The following IGSF3 variants were observed in gnomAD, a reference collection of about 807,000 sequenced individuals.
IGSF3 encodes the protein immunoglobulin superfamily member 3.
A neutral mutation model predicts 114.4 loss-of-function variants in IGSF3; 23 were observed. The ratio of observed to expected loss-of-function variants is 0.20; its 90% CI spans 0.14 to 0.28. IGSF3 has a LOEUF of 0.28. Ranked by LOEUF, IGSF3 falls within the 10% of genes least tolerant of loss-of-function variation. IGSF3 has a pLI of 1.00. For missense variants in IGSF3, 1,172 were observed against 1,591.5 expected (o/e 0.74, Z 4.48); for synonymous variants, 571 against 645.2 (o/e 0.88, Z 1.74).
At chr1:116,630,362 A>G (rs1318513837) in intron 2 of IGSF3, among the ~76,000 whole-genome samples, 1 of 152,246 alleles carries the variant, frequency 6.6e-6, no homozygotes, top group Non-Finnish European at 1.5e-5. Flanking sequence ...ACAGGAAATA[A>G]GGACTGAGTG....
rs966707409 is a variant in IGSF3, at chr1:116,612,027, T to A, written c.832+1738A>T. Among the ~76,000 whole-genome samples, 13 of 152,226 alleles carry A rather than the reference T, an allele frequency of 8.5e-5. No individual in the cohort carries two copies. Among genetic ancestry groups the A allele is most frequent in the Non-Finnish European group, 1.8e-4 (12 of 68,040 alleles). On this transcript the variant is annotated intron_variant, in intron 4 of 10. Transcript: ENST00000369486. The surrounding 1 kb of genome is among the most constrained non-coding windows in gnomAD (Gnocchi z 4.1). ...GAATGCAGGGTGAAGTCATCAACTT[T>A]TTTTTCACTTAGTTTTCCTTTTGCT...
At chr1:116,635,671 C>T (rs1435777995) in intron 2 of IGSF3, among the ~76,000 whole-genome samples, 3 of 152,246 alleles carry the variant, frequency 2.0e-5, no homozygotes, top group Non-Finnish European at 4.4e-5. Context: ...ATTGTAATGG[C>T]ATCTTCTTGT....
intron 5 of IGSF3, among the ~76,000 whole-genome samples, chr1:116,606,237 C>T (rs1439709693): frequency 1.3e-5 from 2 of 152,224 alleles, no homozygotes; most frequent in African/African-American, 4.8e-5. Context: ...GAGTTAGAAG[C>T]AAATATTTCC....
At position 116,595,091 on chromosome 1, in the gene IGSF3, G is replaced by A. The variant is rs1660287987; in HGVS notation, c.2029+4850C>T. Among the ~76,000 whole-genome samples, 1 of 152,172 alleles carries A rather than the reference G, an allele frequency of 6.6e-6. No individual in the cohort carries two copies. The highest frequency in any genetic ancestry group is 6.5e-5 in the Admixed American group (1 of 15,288). On this transcript the variant is annotated intron_variant, in intron 7 of 10. Coordinates refer to ENST00000369486, the MANE Select transcript of IGSF3 (RefSeq NM_001007237.3). This position sits in a 1 kb window ranked among gnomAD's most constrained non-coding sequence, Gnocchi z 4.2. ...TTAGTAGGTGCTCAATGCATGCAGA[G>A]AGACAGGGAGGGAGGGGCAAGGGGA...
At chr1:116,658,407 ACCTCTGGGC>A in intron 2 of IGSF3, among the ~76,000 whole-genome samples, 1 of 151,240 alleles carries the variant, frequency 6.6e-6, no homozygotes, top group Middle Eastern at 3.4e-3. Context: ...CTTTGCTTCG[ACCTCTGGGC>A]CCCCCACCTT....
At position 116,642,752 on chromosome 1, in the gene IGSF3, G is replaced by A. The variant is rs1648166944; in HGVS notation, c.43+23532C>T. ...GGGATACCAGCTCCTGGGATGCGCT[G>A]TAGTATCATCAATCACCGCTGCTGC... On this transcript the variant is annotated intron_variant, in intron 2 of 10. Coordinates refer to ENST00000369486, the MANE Select transcript of IGSF3 (RefSeq NM_001007237.3). This position sits in a 1 kb window ranked among gnomAD's most constrained non-coding sequence, Gnocchi z 5.4. 6.6e-6 allele frequency among the ~76,000 whole-genome samples: 1 copy of A among 152,242 alleles called. No homozygotes were observed. The highest frequency in any genetic ancestry group is 6.5e-5 in the Admixed American group (1 of 15,294).
At position 116,614,151 on chromosome 1, in the gene IGSF3, G is replaced by A. The variant is rs754560616; in HGVS notation, c.446C>T (p.Thr149Ile). The change falls in exon 4 of 11, where the codon ACT (threonine) becomes ATT (isoleucine). Residue 149 changes from threonine to isoleucine, a missense_variant. Transcript: ENST00000369486. The surrounding 1 kb of genome is among the most constrained non-coding windows in gnomAD (Gnocchi z 4.5). Reference protein sequence around the residue: ...LVVIPDSLQTTAMPQTLHRVE... With the variant: ...LVVIPDSLQTIAMPQTLHRVE... The stretch of plus-strand genomic sequence containing the variant: ...TCTGTGCAGAGTCTGGGGCATGGCA[G>A]TGGTCTGCAGGGAGTCTGGGATCAC... 1 of 1,611,400 alleles carries A rather than the reference G, an allele frequency of 6.2e-7. No individual in the cohort carries two copies. Among genetic ancestry groups the A allele is most frequent in the South Asian group, 1.1e-5 (1 of 91,048 alleles).
At chr1:116,619,727 T>C (rs1661351309) in intron 2 of IGSF3, among the ~76,000 whole-genome samples, 2 of 150,884 alleles carry the variant, frequency 1.3e-5, no homozygotes, top group African/African-American at 4.9e-5. Context: ...CCCCTCTCTC[T>C]CCCCTCCCAA....
intron 2 of IGSF3, among the ~76,000 whole-genome samples, chr1:116,621,537 G>A (rs1215979632): frequency 3.9e-5 from 6 of 152,156 alleles, no homozygotes; most frequent in Non-Finnish European, 8.8e-5. Flanking sequence ...AGATGTTACT[G>A]ACTTTCTGAA....
At position 116,607,849 on chromosome 1, in the gene IGSF3, C is replaced by T; in HGVS notation, c.1222+93G>A. 1.6e-6 allele frequency: 2 copies of T among 1,270,670 alleles called. No individual in the cohort carries two copies. Among genetic ancestry groups the T allele is most frequent in the Non-Finnish European group, 2.2e-6 (2 of 891,580 alleles). 78.7% of individuals were successfully genotyped at this position (1,270,670 alleles called of 1,614,324 possible). A position where few individuals can be genotyped will look rare whatever the true frequency, so the allele number is the denominator to read the frequency against. On this transcript the variant is annotated intron_variant, in intron 5 of 10. Coordinates refer to ENST00000369486, the MANE Select transcript of IGSF3 (RefSeq NM_001007237.3). The surrounding 1 kb of genome is among the most constrained non-coding windows in gnomAD (Gnocchi z 6.1). ...TTAACCTCGAGGGTTCCATCTGCCT[C>T]CCCTCACCTTCACCACGCTATTCTC... is the stretch of plus-strand genomic sequence containing the variant.
intron 2 of IGSF3, among the ~76,000 whole-genome samples, chr1:116,619,721 T>A (rs1661351123): frequency 6.6e-6 from 1 of 151,582 alleles, no homozygotes; most frequent in South Asian, 2.1e-4. Context: ...CCACAGCCCC[T>A]CTCTCTCCCC....
chr1:116,638,682 A>C lies in IGSF3; in HGVS notation c.44-22225T>G, dbSNP rs1647943480. On this transcript the variant is annotated intron_variant, in intron 2 of 10. Transcript: ENST00000369486. This position sits in a 1 kb window ranked among gnomAD's most constrained non-coding sequence, Gnocchi z 4.1. ...TGGTGAGCTAAAAACAAGATGGAAA[A>C]GAAAAGAGAAGAGGAAGAGAGAAAA... 6.6e-6 allele frequency among the ~76,000 whole-genome samples: 1 copy of C among 152,252 alleles called. No homozygotes were observed. Among genetic ancestry groups the C allele is most frequent in the Non-Finnish European group, 1.5e-5 (1 of 68,042 alleles).
Position 116,585,997 on chromosome 1 carries a change from G to A in IGSF3, c.2441-945C>T, listed in dbSNP as rs749042952. On this transcript the variant is annotated intron_variant, in intron 8 of 10. Coordinates refer to ENST00000369486, the MANE Select transcript of IGSF3 (RefSeq NM_001007237.3). The surrounding 1 kb of genome is among the most constrained non-coding windows in gnomAD (Gnocchi z 4.9). ...CCTCCAGTAGAAAAATGTCTTTAAT[G>A]ACAGCATGCCCCGATGGCATGCTTG... Among the ~76,000 whole-genome samples the A allele has an allele frequency of 6.6e-6, 1 of 152,204 alleles. No homozygotes were observed. The highest frequency in any genetic ancestry group is 1.5e-5 in the Non-Finnish European group (1 of 68,032).
At position 116,655,512 on chromosome 1, in the gene IGSF3, T is replaced by C. The variant is rs144687546; in HGVS notation, c.43+10772A>G. ...GTAACCCAACGCTGTGAAATGATAA[T>C]CTTTTTACAGCAATAACTGTTGCTG... On this transcript the variant is annotated intron_variant, in intron 2 of 10. Transcript: ENST00000369486. This position sits in a 1 kb window ranked among gnomAD's most constrained non-coding sequence, Gnocchi z 4.3. Among the ~76,000 whole-genome samples the C allele has an allele frequency of 1.3e-4, 20 of 152,300 alleles. No homozygotes were observed. The East Asian group carries it at 3.9e-3, about 29-fold the overall frequency.
rs569123014 is a variant in IGSF3, at chr1:116,648,303, C to T, written c.43+17981G>A. On this transcript the variant is annotated intron_variant, in intron 2 of 10. Coordinates refer to ENST00000369486, the MANE Select transcript of IGSF3 (RefSeq NM_001007237.3). This position sits in a 1 kb window ranked among gnomAD's most constrained non-coding sequence, Gnocchi z 4.7. ...CCAGAGAGGACAATGCCAGCAATGC[C>T]GGCTGTCTCCCAAGTCTGAAGGGTT... is the stretch of plus-strand genomic sequence containing the variant. Among the ~76,000 whole-genome samples, 12 of 152,132 alleles carry T rather than the reference C, an allele frequency of 7.9e-5. No individual in the cohort carries two copies. Among genetic ancestry groups the T allele is most frequent in the African/African-American group, 1.7e-4 (7 of 41,428 alleles).
At chr1:116,640,092 T>C (rs1052367438) in intron 2 of IGSF3, among the ~76,000 whole-genome samples, 7 of 146,096 alleles carry the variant, frequency 4.8e-5, no homozygotes, top group African/African-American at 1.5e-4. Context: ...GAAGAAAATA[T>C]GCATTTTCTC....
In IGSF3 at chr1:116,585,106, C is replaced by A. The variant is rs981155914; in HGVS notation, c.2441-54G>T. The A allele has an allele frequency of 7.2e-7, 1 of 1,395,280 alleles. No individual in the cohort carries two copies. Among genetic ancestry groups the A allele is most frequent in the Non-Finnish European group, 9.6e-7 (1 of 1,036,932 alleles). The allele number at this position is 1,395,280 out of a possible 1,614,324, so 86.4% of individuals were successfully genotyped here. ...ACAAAAGGACAACAAGCAATTCGTA[C>A]GCACCCTTTCCCAGGGTAGGTGAAT... On this transcript the variant is annotated intron_variant, in intron 8 of 10. Coordinates refer to ENST00000369486, the MANE Select transcript of IGSF3 (RefSeq NM_001007237.3). The surrounding 1 kb of genome is among the most constrained non-coding windows in gnomAD (Gnocchi z 4.9).
chr1:116,622,086 G>A (rs1157776118), intron 2 of IGSF3, among the ~76,000 whole-genome samples: 3 of 152,124 alleles, frequency 2.0e-5, no homozygotes, highest in South Asian at 2.1e-4. Flanking sequence ...TTCAAGATGC[G>A]TGACTGAGCA....
rs551762098 is a variant in IGSF3 at position 116,605,109 on chromosome 1, G to T, written c.1223-1084C>A. ...TAATTATCTATATTGAGTTCAGAAG[G>T]TCTGTAAGTATTAAAGAACACAAAG... is the stretch of plus-strand genomic sequence containing the variant. On this transcript the variant is annotated intron_variant, in intron 5 of 10. Coordinates refer to ENST00000369486, the MANE Select transcript of IGSF3 (RefSeq NM_001007237.3). The surrounding 1 kb of genome is among the most constrained non-coding windows in gnomAD (Gnocchi z 5.1). Among the ~76,000 whole-genome samples the T allele has an allele frequency of 1.3e-5, 2 of 151,816 alleles. No individual in the cohort carries two copies. The highest frequency in any genetic ancestry group is 2.9e-5 in the Non-Finnish European group (2 of 67,984).
Sources: allele counts gnomAD v4.1 joint callset (sites outside exome capture counted in the v4.1 genomes callset), GRCh38; gene constraint gnomAD v4.1.1; non-coding constraint Gnocchi (gnomAD v3.1); transcripts MANE v1.5; gene names NCBI Gene and HGNC (gene_info 2026-07-23, HGNC 2026-07-21).